Variants in ZNF503 observed in about 807,000 individuals in gnomAD.
ZNF503 encodes zinc finger protein 503.
Under a neutral mutation model 34.4 loss-of-function variants are expected in ZNF503, and 15 were observed. The ratio of observed to expected loss-of-function variants is 0.44; its 90% CI spans 0.29 to 0.67. The LOEUF (loss-of-function observed/expected upper bound fraction) is 0.67, where lower values mean the gene tolerates loss of function less well. ZNF503 is among the 30% of genes least tolerant of loss of function. The probability of loss-of-function intolerance (pLI) is 0.13; values close to 1 mark genes in which losing one functional copy is unlikely to be tolerated. For missense variants in ZNF503, 1,007 were observed against 926.8 expected, an observed-to-expected ratio of 1.09 and a Z score of -1.12; for synonymous variants, 580 against 456.8, an observed-to-expected ratio of 1.27 and a Z score of -3.44.
chr10:75,282,153 G>T, the ZNF503 span, among the ~76,000 whole-genome samples: 1 of 152,202 alleles, frequency 6.6e-6, no homozygotes, highest in Non-Finnish European at 1.5e-5. Flanking sequence ...GTCCCAGGAG[G>T]TGAATCATGA....
the ZNF503 span, among the ~76,000 whole-genome samples, chr10:75,327,122 C>T: frequency 6.6e-6 from 1 of 152,158 alleles, no homozygotes; most frequent in African/African-American, 2.4e-5. Context: ...TGAAAATAGA[C>T]AACAAATTGT....
At chr10:75,348,689 T>A in the ZNF503 span, among the ~76,000 whole-genome samples, 6 of 151,750 alleles carry the variant, frequency 4.0e-5, no homozygotes, top group East Asian at 1.2e-3. Context: ...TTTTTTTGTA[T>A]TTTTAGTAGA....
At chr10:75,329,481 TACAG>T in the ZNF503 span, among the ~76,000 whole-genome samples, 4 of 150,658 alleles carry the variant, frequency 2.7e-5, no homozygotes, top group South Asian at 2.1e-4. Flanking sequence ...TTCTTTTTGT[TACAG>T]ACAGAGTTTA....
At chr10:75,284,340 G>T in the ZNF503 span, among the ~76,000 whole-genome samples, 3 of 151,620 alleles carry the variant, frequency 2.0e-5, no homozygotes, top group African/African-American at 7.3e-5. Context: ...GCAGACAGTA[G>T]GGAGGAGAGG....
chr10:75,349,690 A>G, the ZNF503 span, among the ~76,000 whole-genome samples: 3 of 152,244 alleles, frequency 2.0e-5, no homozygotes, highest in Non-Finnish European at 4.4e-5. Context: ...CACTACTGCC[A>G]GTGACGGCTG....
In ZNF503 at chr10:75,398,753, T is replaced by A; in HGVS notation, c.1937A>T (p.Gln646Leu). The change falls in exon 2 of 2, where the codon CAG (glutamine) becomes CTG (leucine). Residue 646 changes from glutamine (Q) to leucine (L), a missense_variant. Physicochemically the swap from Gln to Leu is moderately radical, Grantham distance 113 (BLOSUM62 -2). Transcript: ENST00000372524. ...RLTTASALGYQ is the reference protein window; with the variant it reads ...RLTTASALGYL The stretch of plus-strand genomic sequence containing the variant: ...CGCTCGCCCTCCCGGCCGCCCTCAC[T>A]GATACCCCAGCGCCGAGGCGGTGGT... 7.2e-7 allele frequency: 1 copy of A among 1,389,646 alleles called. No individual in the cohort carries two copies. The highest frequency in any genetic ancestry group is 9.3e-7 in the Non-Finnish European group (1 of 1,075,614). 86.1% of individuals were successfully genotyped at this position (1,389,646 alleles called of 1,614,324 possible).
At chr10:75,368,059 C>T in the ZNF503 span, among the ~76,000 whole-genome samples, 21 of 152,198 alleles carry the variant, frequency 1.4e-4, no homozygotes, top group Admixed American at 1.4e-3. Flanking sequence ...AATGTCCCCA[C>T]ACATCACTAG....
the ZNF503 span, among the ~76,000 whole-genome samples, chr10:75,281,419 C>T: frequency 6.6e-6 from 1 of 152,090 alleles, no homozygotes; most frequent in Non-Finnish European, 1.5e-5. Flanking sequence ...ACATTACTGT[C>T]GAGTGTGCCG....
At chr10:75,381,752 C>A in the ZNF503 span, among the ~76,000 whole-genome samples, 8 of 126,518 alleles carry the variant, frequency 6.3e-5, no homozygotes, top group Non-Finnish European at 1.1e-4. Context: ...AGTGGGGGGA[C>A]AAATGGATAA....
At chr10:75,383,064 G>A in the ZNF503 span, among the ~76,000 whole-genome samples, 1 of 152,180 alleles carries the variant, frequency 6.6e-6, no homozygotes, top group Non-Finnish European at 1.5e-5. Context: ...TCTGGTTGAA[G>A]GTTCAGCTGT....
chr10:75,362,082 A>C, the ZNF503 span, among the ~76,000 whole-genome samples: 1 of 152,186 alleles, frequency 6.6e-6, no homozygotes, highest in Admixed American at 6.5e-5. Flanking sequence ...CCAGGGCTGC[A>C]ACTGAACAGT....
At chr10:75,357,981 C>G in the ZNF503 span, among the ~76,000 whole-genome samples, 2 of 152,204 alleles carry the variant, frequency 1.3e-5, no homozygotes, top group African/African-American at 4.8e-5. Flanking sequence ...GCACAGCCCT[C>G]CAGACCCAGT....
chr10:75,401,360 G>A lies in ZNF503; in HGVS notation c.60C>T (p.Gly20=). 1 of 1,462,080 alleles carries A rather than the reference G, an allele frequency of 6.8e-7. No homozygotes were observed. The highest frequency in any genetic ancestry group is 9.3e-7 in the Non-Finnish European group (1 of 1,079,550). The allele number at this position is 1,462,080 out of a possible 1,614,324, so 90.6% of individuals were successfully genotyped here. A position where few individuals can be genotyped will look rare whatever the true frequency, so the allele number is the denominator to read the frequency against. The change falls in exon 1 of 2, where the codon GGC becomes GGT. Residue 20 remains glycine, a synonymous_variant. Transcript: ENST00000372524. ...CTGCACCGCCGCCTCCGCCTCCGCC[G>A]CCGCCGCCGCCGCTGTGCTTACTGC... ...LRSSKHSGGG[G]GGGGGGGADP...
chr10:75,320,722 CAT>C, the ZNF503 span, among the ~76,000 whole-genome samples: 1 of 152,028 alleles, frequency 6.6e-6, no homozygotes, highest in Non-Finnish European at 1.5e-5. Flanking sequence ...ACCACAATCA[CAT>C]ATGTTTTTTT....
chr10:75,388,393 T>G, the ZNF503 span, among the ~76,000 whole-genome samples: 1 of 152,292 alleles, frequency 6.6e-6, no homozygotes, highest in South Asian at 2.1e-4. Context: ...TGTGCACATA[T>G]GGCTGTTGGG....
At chr10:75,336,308 A>G in the ZNF503 span, among the ~76,000 whole-genome samples, 4 of 151,712 alleles carry the variant, frequency 2.6e-5, no homozygotes, top group African/African-American at 4.8e-5. Flanking sequence ...ACATGTTCCA[A>G]TGGAGGACTT....
chr10:75,344,023 A>G, the ZNF503 span, among the ~76,000 whole-genome samples: 2 of 152,162 alleles, frequency 1.3e-5, no homozygotes, highest in Middle Eastern at 3.2e-3. Flanking sequence ...CACATTTATC[A>G]TGTCTGGGAC....
At chr10:75,287,587 G>T in the ZNF503 span, among the ~76,000 whole-genome samples, 1 of 152,114 alleles carries the variant, frequency 6.6e-6, no homozygotes, top group Non-Finnish European at 1.5e-5. Context: ...TGGCCTTTGT[G>T]ATACTTTCTG....
the ZNF503 span, among the ~76,000 whole-genome samples, chr10:75,345,054 C>G: frequency 4.3e-3 from 654 of 152,306 alleles, 3 homozygotes; most frequent in African/African-American, 0.015. Flanking sequence ...CCTGGTAAGG[C>G]AAAACTAGAT....
Sources: gnomAD v4.1 joint callset for allele counts (sites outside exome capture counted in the v4.1 genomes callset) on GRCh38, gnomAD v4.1.1 for gene constraint, MANE v1.5 for transcripts, NCBI Gene and HGNC (gene_info 2026-07-23, HGNC 2026-07-21) for gene names.